Variants in DST observed in about 807,000 individuals in gnomAD.
The protein encoded by DST is dystonin.
In DST, 253 loss-of-function variants were observed where a neutral mutation model predicts 875.2. That is an observed-to-expected ratio of 0.29 (90% CI 0.26 to 0.32). The LOEUF (loss-of-function observed/expected upper bound fraction) is 0.32, where lower values mean the gene tolerates loss of function less well. Among genes scored for constraint, DST ranks in the 10% least tolerant of loss-of-function variants. The pLI is 1.00. For missense variants in DST, 8,287 were observed against 9,111.6 expected (o/e 0.91, Z 3.68); for synonymous variants, 3,124 against 3,197.1 (o/e 0.98, Z 0.77).
chr6:56,676,551 C>T (rs551426436), intron 9 of DST, among the ~76,000 whole-genome samples: 17 of 152,260 alleles, frequency 1.1e-4, no homozygotes, highest in Non-Finnish European at 1.9e-4. Flanking sequence ...CAAGGGAAAT[C>T]TGTATGTCAA....
rs760624675 is a variant in DST, at chr6:56,608,170, A to G, written c.6458T>C (p.Leu2153Ser). The G allele has an allele frequency of 1.2e-6, 2 of 1,613,730 alleles. No individual in the cohort carries two copies. The highest frequency in any genetic ancestry group is 4.5e-5 in the East Asian group (2 of 44,878). ...LPDKMPDLGDLEACKNARRWL... is the reference protein window; with the variant it reads ...LPDKMPDLGDSEACKNARRWL... ...TCTTCTGGCATTTTTACAAGCTTCT[A>G]AATCTCCTAAATCTGGCATTTTATC... Residue 2153 changes from leucine (L) to serine (S), a missense_variant, in exon 40 of 104, where the codon TTA (leucine) becomes TCA (serine). Leu to Ser is a moderately radical substitution (Grantham distance 145). This residue lies in a region of DST where 3,138 missense variants were observed against 3,116.6 expected (regional missense o/e 1.01). Coordinates refer to ENST00000680361, the MANE Select transcript of DST (RefSeq NM_001374736.1).
Position 56,678,148 on chromosome 6 carries a change from C to T in DST, c.1048-7341G>A, listed in dbSNP as rs532610171. Among the ~76,000 whole-genome samples the T allele has an allele frequency of 5.9e-5, 9 of 152,340 alleles. No individual in the cohort carries two copies. The East Asian group carries it at 1.5e-3, about 26-fold the overall frequency. ...TTCCTCTCCTTAAACACGATGCTCG[C>T]ATCCCTCAAAGATGTGGCACCTGGC... On this transcript the variant is annotated intron_variant, in intron 9 of 103. Transcript: ENST00000680361.
chr6:56,664,646 A>G (rs1242397847), intron 10 of DST, among the ~76,000 whole-genome samples: 2 of 152,102 alleles, frequency 1.3e-5, no homozygotes, highest in East Asian at 1.9e-4. Flanking sequence ...CAACCTTTTG[A>G]TCTAAGTTCA....
chr6:56,472,448 G>C (rs1414114683), intron 93 of DST, among the ~76,000 whole-genome samples: 1 of 152,144 alleles, frequency 6.6e-6, no homozygotes, highest in Non-Finnish European at 1.5e-5. Flanking sequence ...CTGGACAGGG[G>C]CATTTAAATA....
intron 92 of DST, among the ~76,000 whole-genome samples, chr6:56,474,586 C>T (rs1447491689): frequency 6.6e-6 from 1 of 152,088 alleles, no homozygotes; most frequent in Non-Finnish European, 1.5e-5. Flanking sequence ...TGCATGGACA[C>T]ATGGGAGAAG....
At chr6:56,566,744 G>A (rs904800270) in intron 55 of DST, among the ~76,000 whole-genome samples, 9 of 152,154 alleles carry the variant, frequency 5.9e-5, no homozygotes, top group Non-Finnish European at 1.3e-4. Flanking sequence ...GTTGAACAAT[G>A]CATACATGAC....
intron 2 of DST, among the ~76,000 whole-genome samples, chr6:56,917,128 T>C (rs1334469142): frequency 6.6e-6 from 1 of 151,680 alleles, no homozygotes; most frequent in Non-Finnish European, 1.5e-5. Context: ...CTGCCCACTG[T>C]CTGGGGGCTG....
At chr6:56,946,674 C>T (rs541761543) in intron 2 of DST, among the ~76,000 whole-genome samples, 1 of 152,232 alleles carries the variant, frequency 6.6e-6, no homozygotes, top group South Asian at 2.1e-4. Flanking sequence ...GCTAAGATGC[C>T]AGTTAGTTCG....
chr6:56,844,231 C>G (rs921089806), intron 4 of DST, among the ~76,000 whole-genome samples: 4 of 152,152 alleles, frequency 2.6e-5, no homozygotes, highest in Non-Finnish European at 5.9e-5. Flanking sequence ...CAGGTGGCCC[C>G]GCGCATCAGC....
intron 9 of DST, among the ~76,000 whole-genome samples, chr6:56,688,545 T>C (rs1055489832): frequency 6.6e-6 from 1 of 152,236 alleles, no homozygotes; most frequent in African/African-American, 2.4e-5. Context: ...GCCACACTCA[T>C]TTCTTAACCT....
chr6:56,682,749 C>G lies in DST; in HGVS notation c.1048-11942G>C, dbSNP rs143940781. On this transcript the variant is annotated intron_variant, in intron 9 of 103. Transcript: ENST00000680361. Reference sequence around the variant, plus strand: ...ATGGTCAGTCAGAGATGTAAAACAACGTAAGTTTTGTTTCACTGTGCAAGT... The same window carrying G: ...ATGGTCAGTCAGAGATGTAAAACAAGGTAAGTTTTGTTTCACTGTGCAAGT... 2.0e-5 allele frequency among the ~76,000 whole-genome samples: 3 copies of G among 152,270 alleles called. No homozygotes were observed. In the East Asian group the frequency reaches 5.8e-4, roughly 29 times the overall value.
chr6:56,483,055 G>T (rs768271130), intron 88 of DST, among the ~76,000 whole-genome samples, 178 bp from the exon 89 acceptor site: 1 of 152,050 alleles, frequency 6.6e-6, no homozygotes, highest in Non-Finnish European at 1.5e-5. Flanking sequence ...TCCTATTTGA[G>T]CACCATCAAG....
At chr6:56,720,114 T>C (rs1275425512) in intron 5 of DST, among the ~76,000 whole-genome samples, 1 of 152,138 alleles carries the variant, frequency 6.6e-6, no homozygotes, top group African/African-American at 2.4e-5. Flanking sequence ...GTTTATTTCA[T>C]CCCTACAGTT....
chr6:56,627,319 A>G, intron 33 of DST, 32 bp from the exon 34 acceptor site: 2 of 1,494,002 alleles, frequency 1.3e-6, no homozygotes, highest in Non-Finnish European at 1.9e-6. Flanking sequence ...AACAAAAATG[A>G]CAAGGAATTC....
Position 56,918,122 on chromosome 6 carries a change from C to CT in DST, c.217-17502dup, listed in dbSNP as rs1194856901. Reference sequence around the variant, plus strand: ...GACATTTCAGGTTCAGGTGTACATTCTTTTTTTTTTCTTTTTTTTTTTGAG... The same window carrying CT: ...GACATTTCAGGTTCAGGTGTACATTCTTTTTTTTTTTCTTTTTTTTTTTGAG... On this transcript the variant is annotated intron_variant, in intron 2 of 103. Coordinates refer to ENST00000680361, the MANE Select transcript of DST (RefSeq NM_001374736.1). 2.8e-3 allele frequency among the ~76,000 whole-genome samples: 390 copies of CT among 140,640 alleles called. 4 individuals are homozygous for CT. The highest frequency in any genetic ancestry group is 0.015 in the Middle Eastern group (4 of 270). 92.3% of individuals were successfully genotyped at this position (140,640 alleles called of 152,430 possible).
In DST at chr6:56,605,492, C is replaced by T. The variant is rs763867281; in HGVS notation, c.9136G>A (p.Asp3046Asn). The T allele has an allele frequency of 1.2e-6, 2 of 1,612,976 alleles. No individual in the cohort carries two copies. The highest frequency in any genetic ancestry group is 1.7e-6 in the Non-Finnish European group (2 of 1,179,316). Residue 3046 changes from aspartate (D) to asparagine (N), a missense_variant, in exon 40 of 104, where the codon GAT (aspartate) becomes AAT (asparagine). Physicochemically the swap from Asp to Asn is conservative, Grantham distance 23 (BLOSUM62 1). This residue lies in a region of DST where 3,138 missense variants were observed against 3,116.6 expected (regional missense o/e 1.01). Transcript: ENST00000680361. ...RDGKSDILIEDETSIQKMYLG... is the reference protein window; with the variant it reads ...RDGKSDILIENETSIQKMYLG... ...TACATTTTCTGAATTGATGTTTCAT[C>T]TTCTATTAGAATATCACTTTTGCCA...
At chr6:56,621,859 A>C (rs1389741253) in intron 36 of DST, among the ~76,000 whole-genome samples, 1 of 152,218 alleles carries the variant, frequency 6.6e-6, no homozygotes, top group Non-Finnish European at 1.5e-5. Flanking sequence ...TCAAGAATTT[A>C]ATTTCTATTA....
chr6:56,507,397 T>C (rs1005785690), intron 75 of DST, among the ~76,000 whole-genome samples: 2 of 152,186 alleles, frequency 1.3e-5, no homozygotes, highest in Non-Finnish European at 2.9e-5. Flanking sequence ...AAAATAGATA[T>C]GGCTATTCCC....
At chr6:56,788,830 T>G (rs2153002780) in intron 4 of DST, among the ~76,000 whole-genome samples, 1 of 152,352 alleles carries the variant, frequency 6.6e-6, no homozygotes, top group East Asian at 1.9e-4. Context: ...CAAATAGTAC[T>G]GTGAATCATG....
Sources: allele counts gnomAD v4.1 joint callset (sites outside exome capture counted in the v4.1 genomes callset), GRCh38; gene constraint gnomAD v4.1.1; regional missense constraint gnomAD v4.1.1; transcripts MANE v1.5; gene names NCBI Gene and HGNC (gene_info 2026-07-23, HGNC 2026-07-21).